ZBTB20: variants seen among roughly 807,000 people sequenced by gnomAD.
ZBTB20 encodes the protein zinc finger and BTB domain-containing protein 20.
ZBTB20 carries 9 observed loss-of-function variants against 56.9 expected under a neutral mutation model. The observed-to-expected ratio is 0.16, with a 90% confidence interval of 0.10 to 0.28. The LOEUF (loss-of-function observed/expected upper bound fraction) is 0.28, where lower values mean the gene tolerates loss of function less well. Among genes scored for constraint, ZBTB20 ranks in the 10% least tolerant of loss-of-function variants. The probability of loss-of-function intolerance (pLI) is 1.00; values close to 1 mark genes in which losing one functional copy is unlikely to be tolerated. For missense variants in ZBTB20, 655 were observed against 1,003.0 expected, an observed-to-expected ratio of 0.65 and a Z score of 4.69; for synonymous variants, 417 against 420.7, an observed-to-expected ratio of 0.99 and a Z score of 0.11.
chr3:114,693,567 T>C lies in ZBTB20; in HGVS notation c.-334A>G, dbSNP rs909132426. The C allele has an allele frequency of 1.3e-5, 2 of 152,106 alleles. No individual in the cohort carries two copies. Among genetic ancestry groups the C allele is most frequent in the Non-Finnish European group, 1.5e-5 (1 of 67,998 alleles). 9.4% of individuals were successfully genotyped at this position (152,106 alleles called of 1,614,324 possible). ...ATGAGGAATATCCTGTTAGTAATGA[T>C]GAAACATTCTGAAATAAAAAGAGTA... On this transcript the variant is annotated 5_prime_UTR_variant, in exon 6 of 12. Coordinates refer to ENST00000675478, the MANE Select transcript of ZBTB20 (RefSeq NM_001348800.3).
At chr3:114,497,012 G>A (rs563524058) in intron 7 of ZBTB20, among the ~76,000 whole-genome samples, 1 of 152,272 alleles carries the variant, frequency 6.6e-6, no homozygotes, top group Non-Finnish European at 1.5e-5. Context: ...GGTCTTTGCT[G>A]AAGATCCCAT....
chr3:114,490,946 T>C (rs1218605261), intron 7 of ZBTB20, among the ~76,000 whole-genome samples: 1 of 152,188 alleles, frequency 6.6e-6, no homozygotes, highest in African/African-American at 2.4e-5. Context: ...TCCTGGTCCT[T>C]GCAAAGGTTA....
Position 114,319,962 on chromosome 3 carries a change from G to C in ZBTB20, c.*19043C>G, listed in dbSNP as rs1278225538. 6.6e-6 allele frequency: 1 copy of C among 152,082 alleles called. No individual in the cohort carries two copies. The highest frequency in any genetic ancestry group is 6.5e-5 in the Admixed American group (1 of 15,268). The allele number at this position is 152,082 out of a possible 1,614,324, so 9.4% of individuals were successfully genotyped here. ...GTGGAAATCCAGTGGTATGAGGAAG[G>C]CTGGGGTTATTTCCTCCATACTTTC... On this transcript the variant is annotated 3_prime_UTR_variant, in exon 12 of 12. Coordinates refer to ENST00000675478, the MANE Select transcript of ZBTB20 (RefSeq NM_001348800.3).
At chr3:114,462,185 T>C (rs1431581500) in intron 7 of ZBTB20, among the ~76,000 whole-genome samples, 1 of 152,226 alleles carries the variant, frequency 6.6e-6, no homozygotes, top group Non-Finnish European at 1.5e-5. Context: ...TTGTTGGTGA[T>C]ATTGCCTTGA....
rs1228064171 is a variant in ZBTB20 at position 114,336,214 on chromosome 3, T to A, written c.*2791A>T. On this transcript the variant is annotated 3_prime_UTR_variant, in exon 12 of 12. Coordinates refer to ENST00000675478, the MANE Select transcript of ZBTB20 (RefSeq NM_001348800.3). ...TCTCCTAGCTTTAAGAGTTTTTTTC[T>A]TAAGGTCAATCTTCTCTTTTCATTT... 2 of 152,226 alleles carry A rather than the reference T, an allele frequency of 1.3e-5. No homozygotes were observed. Among genetic ancestry groups the A allele is most frequent in the Non-Finnish European group, 1.5e-5 (1 of 68,028 alleles). The allele number at this position is 152,226 out of a possible 1,614,324, so 9.4% of individuals were successfully genotyped here.
At chr3:114,965,561 T>C (rs2077616165) in intron 3 of ZBTB20, among the ~76,000 whole-genome samples, 1 of 152,174 alleles carries the variant, frequency 6.6e-6, no homozygotes, top group African/African-American at 2.4e-5. Flanking sequence ...ACCTGGCTTA[T>C]TTCACTTAAA....
intron 2 of ZBTB20, among the ~76,000 whole-genome samples, chr3:115,019,312 G>C (rs1453475149): frequency 3.3e-5 from 5 of 151,262 alleles, no homozygotes; most frequent in African/African-American, 1.2e-4. Context: ...GAGGTAAAAA[G>C]AAAACTGCAT....
chr3:114,439,094 T>G (rs886375486), intron 7 of ZBTB20, among the ~76,000 whole-genome samples: 1 of 152,148 alleles, frequency 6.6e-6, no homozygotes. Context: ...TTTGTCACAG[T>G]CACTAATCCG....
chr3:114,875,853 C>T (rs1290027071), intron 4 of ZBTB20, among the ~76,000 whole-genome samples: 1 of 152,140 alleles, frequency 6.6e-6, no homozygotes. Flanking sequence ...AGACACTTTA[C>T]GTACATGAGG....
intron 4 of ZBTB20, among the ~76,000 whole-genome samples, chr3:114,875,810 A>C (rs1297135246): frequency 6.6e-6 from 1 of 152,192 alleles, no homozygotes; most frequent in African/African-American, 2.4e-5. Flanking sequence ...TGTAATTAAA[A>C]TAATAATTTA....
intron 6 of ZBTB20, among the ~76,000 whole-genome samples, chr3:114,550,525 T>G (rs1338877717): frequency 6.6e-6 from 1 of 152,242 alleles, no homozygotes; most frequent in Non-Finnish European, 1.5e-5. Context: ...TCTTCACTTA[T>G]GAAGGAAGCC....
intron 3 of ZBTB20, among the ~76,000 whole-genome samples, chr3:114,915,087 C>T (rs1044884762): frequency 1.9e-4 from 28 of 151,180 alleles, no homozygotes; most frequent in Non-Finnish European, 3.0e-4. Flanking sequence ...TGATACTGGC[C>T]TCACAGAAGA....
At chr3:114,808,976 CT>C (rs1264730582) in intron 4 of ZBTB20, among the ~76,000 whole-genome samples, 5 of 151,956 alleles carry the variant, frequency 3.3e-5, no homozygotes, top group Non-Finnish European at 7.4e-5. Flanking sequence ...GACATTTTCC[CT>C]TTTTTTCCTT....
At chr3:114,564,054 G>A (rs984766531) in intron 6 of ZBTB20, among the ~76,000 whole-genome samples, 14 of 151,948 alleles carry the variant, frequency 9.2e-5, no homozygotes, top group African/African-American at 3.1e-4. Flanking sequence ...GTTATTAGAG[G>A]CCACCTGTAT....
At chr3:114,450,017 A>G in intron 7 of ZBTB20, among the ~76,000 whole-genome samples, 1 of 152,206 alleles carries the variant, frequency 6.6e-6, no homozygotes, top group East Asian at 1.9e-4. Context: ...GTTGAACAGT[A>G]CTTACCCTAA....
chr3:114,314,569 C>A lies in ZBTB20; in HGVS notation c.*24436G>T, dbSNP rs529031044. The A allele has an allele frequency of 4.7e-5, 7 of 148,846 alleles. No homozygotes were observed. The South Asian group carries it at 1.3e-3, about 27-fold the overall frequency. 9.2% of individuals were successfully genotyped at this position (148,846 alleles called of 1,614,324 possible). On this transcript the variant is annotated 3_prime_UTR_variant, in exon 12 of 12. Transcript: ENST00000675478. ...ACAAACAGTGTGAACTTGTACAATA[C>A]CTCGGAAAGTGAAACTTACAAAAAA...
intron 2 of ZBTB20, among the ~76,000 whole-genome samples, chr3:115,013,794 G>A (rs1315721099): frequency 1.3e-5 from 2 of 151,606 alleles, no homozygotes; most frequent in Non-Finnish European, 3.0e-5. Flanking sequence ...TGGAGAAAAG[G>A]GAACCCTTGT....
intron 6 of ZBTB20, among the ~76,000 whole-genome samples, chr3:114,668,911 A>T (rs1418490643): frequency 6.6e-6 from 1 of 152,060 alleles, no homozygotes; most frequent in Non-Finnish European, 1.5e-5. Context: ...CTCAGTTGAG[A>T]GCTACCAGCT....
chr3:114,929,766 T>A (rs1420554867), intron 3 of ZBTB20, among the ~76,000 whole-genome samples: 1 of 152,238 alleles, frequency 6.6e-6, no homozygotes, highest in Non-Finnish European at 1.5e-5. Context: ...TGGTCTTCAT[T>A]TTGTTTTGAA....
Sources: gnomAD v4.1 joint callset for allele counts (sites outside exome capture counted in the v4.1 genomes callset) on GRCh38, gnomAD v4.1.1 for gene constraint, MANE v1.5 for transcripts, NCBI Gene and HGNC (gene_info 2026-07-23, HGNC 2026-07-21) for gene names.